The following ACAD10 variants were observed in gnomAD, a reference collection of about 807,000 sequenced individuals.
ACAD10 encodes the protein acyl-CoA dehydrogenase family member 10, also known as ACAD-10.
A neutral mutation model predicts 116.8 loss-of-function variants in ACAD10; 112 were observed. The ratio of observed to expected loss-of-function variants is 0.96; its 90% CI spans 0.82 to 1.12. ACAD10 has a LOEUF of 1.12. ACAD10 is among the 50% of genes most tolerant of loss of function. The probability of loss-of-function intolerance (pLI) is 0.00; values close to 1 mark genes in which losing one functional copy is unlikely to be tolerated. For missense variants in ACAD10, 1,259 were observed against 1,350.2 expected (o/e 0.93, Z 1.06); for synonymous variants, 486 against 510.6 (o/e 0.95, Z 0.65).
At chr12:111,735,866 G>A (rs1037256304) in intron 11 of ACAD10, among the ~76,000 whole-genome samples, 1 of 151,590 alleles carries the variant, frequency 6.6e-6, no homozygotes, top group African/African-American at 2.4e-5. Flanking sequence ...TTGAGATGGA[G>A]TCTCCCTCTG....
chr12:111,717,791 C>A (rs1181677485), intron 7 of ACAD10, among the ~76,000 whole-genome samples: 1 of 152,036 alleles, frequency 6.6e-6, no homozygotes, highest in Admixed American at 6.6e-5. Flanking sequence ...TCAAGCAATC[C>A]TCCCACCTTG....
chr12:111,747,207 C>T lies in ACAD10; in HGVS notation c.2394+21C>T, dbSNP rs1469701771. 2.5e-6 allele frequency: 4 copies of T among 1,607,584 alleles called. No individual in the cohort carries two copies. The South Asian group carries it at 3.3e-5, about 13-fold the overall frequency. On this transcript the variant is annotated intron_variant, in intron 15 of 20. Coordinates refer to ENST00000313698, the MANE Select transcript of ACAD10 (RefSeq NM_025247.6). The stretch of plus-strand genomic sequence containing the variant: ...CCCAGGTACGTCGCCTGGGCTGCCA[C>T]CCACTTGCCTGGCCCTGTTGTTGTC...
chr12:111,720,638 C>A (rs1312671215), intron 7 of ACAD10, among the ~76,000 whole-genome samples: 1 of 152,070 alleles, frequency 6.6e-6, no homozygotes, highest in Non-Finnish European at 1.5e-5. Context: ...TTGCATAATG[C>A]TTCCATTTCC....
intron 8 of ACAD10, among the ~76,000 whole-genome samples, chr12:111,726,512 A>G (rs929182954): frequency 3.3e-5 from 5 of 152,090 alleles, no homozygotes; most frequent in African/African-American, 9.7e-5. Context: ...AATACCCTGG[A>G]AGCTCCCTTA....
chr12:111,749,147 T>A, intron 17 of ACAD10, 26 bp from the exon 18 acceptor site: 1 of 1,613,292 alleles, frequency 6.2e-7, no homozygotes, highest in Non-Finnish European at 8.5e-7. Context: ...TGGCTATTGC[T>A]CACAGTGATC....
chr12:111,744,598 T>C (rs1566166105), intron 12 of ACAD10, 45 bp from the exon 13 acceptor site: 5 of 1,573,428 alleles, frequency 3.2e-6, no homozygotes, highest in Non-Finnish European at 3.5e-6. Flanking sequence ...ATCCCTATGA[T>C]GGGTCGTGTG....
At chr12:111,731,139 G>T (rs2135976228) in intron 10 of ACAD10, among the ~76,000 whole-genome samples, 2 of 152,284 alleles carry the variant, frequency 1.3e-5, no homozygotes, top group Middle Eastern at 3.4e-3. Context: ...CTCTTCATTG[G>T]CTTGACCGGT....
chr12:111,705,923 G>A lies in ACAD10; in HGVS notation c.522G>A (p.Gln174=). The A allele has an allele frequency of 6.2e-7, 1 of 1,614,058 alleles. No homozygotes were observed. The highest frequency in any genetic ancestry group is 1.7e-5 in the Admixed American group (1 of 59,998). The change falls in exon 4 of 21, where the codon CAG becomes CAA. Residue 174 remains glutamine, a synonymous_variant. Transcript: ENST00000313698. ...GCTTTTTGCCCCTGGACCGGAAACA[G>A]TTTGATGTGGTAAGCTTGAGCTAAT... ...QKSFLPLDRK[Q]FDVIVESCME...
chr12:111,749,014 G>A, intron 17 of ACAD10, 159 bp from the exon 18 acceptor site: 1 of 1,612,616 alleles, frequency 6.2e-7, no homozygotes, highest in Non-Finnish European at 8.5e-7. Context: ...TTAACAGGCT[G>A]TTTCCTGCCG....
intron 20 of ACAD10, chr12:111,756,112 GA>G: frequency 7.1e-7 from 1 of 1,412,260 alleles, no homozygotes; most frequent in Non-Finnish European, 9.2e-7. Context: ...GCACAGGGCA[GA>G]AGGCACCTGC....
Position 111,692,897 on chromosome 12 carries a change from G to T in ACAD10, c.187+1G>T. ...CCTTCTCCAGGGAGAGTCGCTGCAG[G>T]TGAGCTATTGATTCTGTTTCACTTT... On this transcript the variant is annotated splice_donor_variant, in intron 2 of 20. Transcript: ENST00000313698. LOFTEE classifies it high-confidence loss of function. 1 of 1,613,662 alleles carries T rather than the reference G, an allele frequency of 6.2e-7. No homozygotes were observed. Among genetic ancestry groups the T allele is most frequent in the Non-Finnish European group, 8.5e-7 (1 of 1,179,760 alleles).
intron 11 of ACAD10, among the ~76,000 whole-genome samples, chr12:111,735,367 T>C (rs1313697760): frequency 1.3e-5 from 2 of 152,162 alleles, no homozygotes; most frequent in South Asian, 4.1e-4. Context: ...TTTGCCTATA[T>C]ATAAGGTATA....
chr12:111,754,342 C>T (rs1890150260), intron 19 of ACAD10, among the ~76,000 whole-genome samples: 1 of 152,172 alleles, frequency 6.6e-6, no homozygotes, highest in Non-Finnish European at 1.5e-5. Flanking sequence ...TTTTTTGAGA[C>T]AGGGCCTTGC....
chr12:111,730,754 C>CTT (rs750344202), intron 10 of ACAD10, among the ~76,000 whole-genome samples: 2,054 of 135,138 alleles, frequency 0.015, 67 homozygotes, highest in African/African-American at 0.052. Flanking sequence ...ATTTCCGTTT[C>CTT]TTTTTTTTTT....
At position 111,730,749 on chromosome 12, in the gene ACAD10, C is replaced by T. The variant is rs970888028; in HGVS notation, c.1394+793C>T. ...TGAAGGCTAATTTTAAAGACATTTC[C>T]GTTTCTTTTTTTTTTTTTTTTAGAC... On this transcript the variant is annotated intron_variant, in intron 10 of 20. Transcript: ENST00000313698. Among the ~76,000 whole-genome samples the T allele has an allele frequency of 4.6e-5, 7 of 150,980 alleles. No individual in the cohort carries two copies. The East Asian group carries it at 5.8e-4, about 13-fold the overall frequency.
At chr12:111,739,771 G>T (rs746338866) in intron 12 of ACAD10, among the ~76,000 whole-genome samples, 2 of 151,864 alleles carry the variant, frequency 1.3e-5, no homozygotes, top group East Asian at 1.9e-4. Flanking sequence ...AAAAAAAGGT[G>T]GGGGGAGCGG....
At chr12:111,744,455 G>T in intron 12 of ACAD10, 188 bp from the exon 13 acceptor site, 1 of 688,366 alleles carries the variant, frequency 1.5e-6, no homozygotes, top group African/African-American at 1.8e-5. Flanking sequence ...TGCGTGCAAA[G>T]TGCAGGTGAA....
intron 18 of ACAD10, chr12:111,753,477 G>A (rs933533704): frequency 8.2e-6 from 5 of 612,314 alleles, no homozygotes; most frequent in African/African-American, 1.8e-5. Flanking sequence ...AGCCAGGCCT[G>A]CCCAGATGTG....
At chr12:111,701,793 A>G (rs1888356513) in intron 2 of ACAD10, among the ~76,000 whole-genome samples, 1 of 152,226 alleles carries the variant, frequency 6.6e-6, no homozygotes, top group Non-Finnish European at 1.5e-5. Context: ...AGGGGCCACC[A>G]GGATCTGGCT....
Sources: allele counts gnomAD v4.1 joint callset (sites outside exome capture counted in the v4.1 genomes callset), GRCh38; gene constraint gnomAD v4.1.1; transcripts MANE v1.5; gene names NCBI Gene and HGNC (gene_info 2026-07-23, HGNC 2026-07-21).